POP7: variants seen among roughly 807,000 people sequenced by gnomAD.
POP7 encodes the protein ribonuclease P protein subunit p20.
A neutral mutation model predicts 7.5 loss-of-function variants in POP7; 5 were observed. The ratio of observed to expected loss-of-function variants is 0.66; its 90% CI spans 0.35 to 1.40. POP7 has a LOEUF of 1.40. Ranked by LOEUF, POP7 falls within the 40% of genes most tolerant of loss-of-function variation. The probability of loss-of-function intolerance (pLI) is 0.04; values close to 1 mark genes in which losing one functional copy is unlikely to be tolerated. For missense variants in POP7, 170 were observed against 189.1 expected, an observed-to-expected ratio of 0.90 and a Z score of 0.59; for synonymous variants, 85 against 81.6, an observed-to-expected ratio of 1.04 and a Z score of -0.23.
At chr7:100,706,504 G>T (rs1584525849) in intron 1 of POP7, 200 bp downstream of exon 1, 3 of 347,906 alleles carry the variant, frequency 8.6e-6, no homozygotes, top group Admixed American at 4.4e-5. Context: ...ACAGAGGCTT[G>T]CTCTGTTTCC....
rs1158112073 is a variant in POP7, at chr7:100,706,880, C to T, written c.50C>T (p.Pro17Leu). Residue 17 changes from proline (P) to leucine (L), a missense_variant, in exon 2 of 2, where the codon CCA (proline) becomes CTA (leucine). Pro to Leu is a moderately conservative substitution (Grantham distance 98, BLOSUM62 -3). Transcript: ENST00000303151. ...PRGAVEAELD[P>L]VEYTLRKRLP... Reference sequence around the variant, plus strand: ...GGTGCTGTGGAGGCTGAACTGGATCCAGTGGAATACACCCTTAGGAAAAGG... The same window carrying T: ...GGTGCTGTGGAGGCTGAACTGGATCTAGTGGAATACACCCTTAGGAAAAGG... 1.9e-6 allele frequency: 3 copies of T among 1,613,976 alleles called. No individual in the cohort carries two copies. The South Asian group carries it at 3.3e-5, about 18-fold the overall frequency.
In POP7 at chr7:100,706,247, G is replaced by C. The variant is rs1028054693; in HGVS notation, c.-68G>C. The C allele has an allele frequency of 6.5e-6, 1 of 153,408 alleles. No homozygotes were observed. The highest frequency in any genetic ancestry group is 1.5e-5 in the Non-Finnish European group (1 of 68,858). The allele number at this position is 153,408 out of a possible 1,614,324, so 9.5% of individuals were successfully genotyped here. On this transcript the variant is annotated 5_prime_UTR_variant, in exon 1 of 2. Transcript: ENST00000303151. Reference sequence around the variant, plus strand: ...TACTTGGGCTGGCCGGCGAACCCTTGAGTGGCCTGGCGGGGAGCGGGCCTC... The same window carrying C: ...TACTTGGGCTGGCCGGCGAACCCTTCAGTGGCCTGGCGGGGAGCGGGCCTC...
intron 1 of POP7, among the ~76,000 whole-genome samples, chr7:100,706,586 C>T (rs559023512): frequency 2.0e-5 from 3 of 152,160 alleles, no homozygotes; most frequent in Non-Finnish European, 2.9e-5. Context: ...AAGCGATCCT[C>T]CCCCCTCGGC....
chr7:100,706,663 C>T (rs940181814), intron 1 of POP7, among the ~76,000 whole-genome samples, 158 bp from the exon 2 acceptor site: 6 of 152,068 alleles, frequency 3.9e-5, no homozygotes, highest in Non-Finnish European at 2.9e-5. Flanking sequence ...ATCTCAAACA[C>T]CCGGGCTCCA....
intron 1 of POP7, among the ~76,000 whole-genome samples, chr7:100,706,598 C>T (rs1313258375): frequency 6.6e-6 from 1 of 151,982 alleles, no homozygotes; most frequent in Non-Finnish European, 1.5e-5. Flanking sequence ...CCCCTCGGCC[C>T]GGGTAATTAA....
At position 100,707,204 on chromosome 7, in the gene POP7, G is replaced by T; in HGVS notation, c.374G>T (p.Arg125Leu). Reference protein sequence around the residue: ...TDTREPLTRIRNNSAIHIRVF... With the variant: ...TDTREPLTRILNNSAIHIRVF... Reference sequence around the variant, plus strand: ...ACACGGGAGCCACTGACTCGGATCCGCAACAACTCAGCCATCCACATCCGA... The same window carrying T: ...ACACGGGAGCCACTGACTCGGATCCTCAACAACTCAGCCATCCACATCCGA... The change falls in exon 2 of 2, where the codon CGC becomes CTC. Residue 125 changes from arginine (R) to leucine (L), a missense_variant. Physicochemically the swap from Arg to Leu is moderately radical, Grantham distance 102. Coordinates refer to ENST00000303151, the MANE Select transcript of POP7 (RefSeq NM_005837.3). 6.2e-7 allele frequency: 1 copy of T among 1,614,162 alleles called. No homozygotes were observed. Among genetic ancestry groups the T allele is most frequent in the South Asian group, 1.1e-5 (1 of 91,086 alleles).
Sources: gnomAD v4.1 joint callset for allele counts (sites outside exome capture counted in the v4.1 genomes callset) on GRCh38, gnomAD v4.1.1 for gene constraint, MANE v1.5 for transcripts, NCBI Gene and HGNC (gene_info 2026-07-23, HGNC 2026-07-21) for gene names.